Variants in ATP8B2 observed in about 807,000 individuals in gnomAD.
ATP8B2 encodes ATPase phospholipid transporting 8B2.
A neutral mutation model predicts 133.4 loss-of-function variants in ATP8B2; 70 were observed. The ratio of observed to expected loss-of-function variants is 0.52; its 90% CI spans 0.43 to 0.64. The LOEUF (loss-of-function observed/expected upper bound fraction) is 0.64, where lower values mean the gene tolerates loss of function less well. ATP8B2 is among the 30% of genes least tolerant of loss of function. ATP8B2 has a pLI of 0.00. For synonymous variants in ATP8B2, 517 were observed against 589.5 expected (o/e 0.88, Z 1.78); for missense variants, 1,101 against 1,535.7 (o/e 0.72, Z 4.73).
At position 154,343,068 on chromosome 1, in the gene ATP8B2, T is replaced by C. The variant is rs1441238803; in HGVS notation, c.1454-45T>C. The C allele has an allele frequency of 6.3e-7, 1 of 1,598,172 alleles. No homozygotes were observed. On this transcript the variant is annotated intron_variant, in intron 15 of 27. Transcript: ENST00000368489. This position sits in a 1 kb window ranked among gnomAD's most constrained non-coding sequence, Gnocchi z 5.8. ...GGGCTTCCTGGGCGGGGCACGTGGC[T>C]GAGGGAAGCCACTTATATCACGTGT...
chr1:154,328,970 C>G lies in ATP8B2; in HGVS notation c.31+798C>G. 1 of 1,304,088 alleles carries G rather than the reference C, an allele frequency of 7.7e-7. No individual in the cohort carries two copies. The highest frequency in any genetic ancestry group is 1.0e-6 in the Non-Finnish European group (1 of 988,890). The allele number at this position is 1,304,088 out of a possible 1,614,324, so 80.8% of individuals were successfully genotyped here. A position where few individuals can be genotyped will look rare whatever the true frequency, so the allele number is the denominator to read the frequency against. ...AGGACATATAGACGGTCTGCCCTCCCCCACTCAAACCGGGATCATGACGGT... is the reference window on the plus strand; with the variant it reads ...AGGACATATAGACGGTCTGCCCTCCGCCACTCAAACCGGGATCATGACGGT... On this transcript the variant is annotated intron_variant, in intron 2 of 27. Coordinates refer to ENST00000368489, the MANE Select transcript of ATP8B2 (RefSeq NM_001370597.1). The surrounding 1 kb of genome is among the most constrained non-coding windows in gnomAD (Gnocchi z 4.6).
At chr1:154,347,586 T>C (rs1686626832) in intron 26 of ATP8B2, among the ~76,000 whole-genome samples, 1 of 152,064 alleles carries the variant, frequency 6.6e-6, no homozygotes. Flanking sequence ...AGTCACCAGG[T>C]GAGCCTAATG....
chr1:154,344,858 T>G lies in ATP8B2; in HGVS notation c.2286+73T>G. On this transcript the variant is annotated intron_variant, in intron 21 of 27. Transcript: ENST00000368489. The surrounding 1 kb of genome is among the most constrained non-coding windows in gnomAD (Gnocchi z 4.1). Reference sequence around the variant, plus strand: ...TTCTGTCCAGGGCTTTTATATCTTGTTCTAATTTCCCCTGATTTCAGAGAA... The same window carrying G: ...TTCTGTCCAGGGCTTTTATATCTTGGTCTAATTTCCCCTGATTTCAGAGAA... The G allele has an allele frequency of 6.5e-7, 1 of 1,546,958 alleles. No individual in the cohort carries two copies. The highest frequency in any genetic ancestry group is 8.7e-7 in the Non-Finnish European group (1 of 1,145,564).
At position 154,334,144 on chromosome 1, in the gene ATP8B2, C is replaced by T. The variant is rs183136294; in HGVS notation, c.627C>T (p.Asp209=). The change falls in exon 10 of 28, where the codon GAC becomes GAT. Residue 209 remains aspartate, a synonymous_variant. Transcript: ENST00000368489. This position sits in a 1 kb window ranked among gnomAD's most constrained non-coding sequence, Gnocchi z 4.6. ...VICEPPNNKL[D]KFSGTLYWKE... is the part of the protein sequence containing the mutation. ...GTGAACCTCCCAACAACAAACTGGA[C>T]AAATTCAGCGGAACCCTCTACTGGA... 3.1e-6 allele frequency: 5 copies of T among 1,614,054 alleles called. No individual in the cohort carries two copies. Among genetic ancestry groups the T allele is most frequent in the Non-Finnish European group, 4.2e-6 (5 of 1,180,042 alleles).
intron 12 of ATP8B2, among the ~76,000 whole-genome samples, chr1:154,339,843 T>C (rs1394597876): frequency 6.6e-6 from 1 of 152,082 alleles, no homozygotes; most frequent in Non-Finnish European, 1.5e-5. Flanking sequence ...TAACAGTGCA[T>C]ATGATTAGCA....
chr1:154,349,397 A>G lies in ATP8B2; in HGVS notation c.*279A>G, dbSNP rs1686711751. ...GGGGACCAGAAGTGGAACCAAAAACAAGAAAAAACTGTGAGAGATTGTGTC... is the reference window on the plus strand; with the variant it reads ...GGGGACCAGAAGTGGAACCAAAAACGAGAAAAAACTGTGAGAGATTGTGTC... On this transcript the variant is annotated 3_prime_UTR_variant, in exon 28 of 28. Transcript: ENST00000368489. 1 of 474,848 alleles carries G rather than the reference A, an allele frequency of 2.1e-6. No individual in the cohort carries two copies. The highest frequency in any genetic ancestry group is 1.9e-5 in the African/African-American group (1 of 52,034). The allele number at this position is 474,848 out of a possible 1,614,324, so 29.4% of individuals were successfully genotyped here.
rs1686595903 is a variant in ATP8B2 at position 154,346,688 on chromosome 1, C to T, written c.3093C>T (p.Tyr1031=). Residue 1031 remains tyrosine, a synonymous_variant, in exon 26 of 28, where the codon TAC becomes TAT. Coordinates refer to ENST00000368489, the MANE Select transcript of ATP8B2 (RefSeq NM_001370597.1). This position sits in a 1 kb window ranked among gnomAD's most constrained non-coding sequence, Gnocchi z 4.5. ...TCATCTGGGGAAGCCTTGCTGTTTA[C>T]TTTGCCATCCTCTTTGCCATGCACA... The part of the protein sequence containing the change: ...HFFIWGSLAV[Y]FAILFAMHSN... 6.2e-7 allele frequency: 1 copy of T among 1,614,202 alleles called. No homozygotes were observed. Among genetic ancestry groups the T allele is most frequent in the Non-Finnish European group, 8.5e-7 (1 of 1,180,036 alleles).
At chr1:154,348,325 T>A in intron 26 of ATP8B2, 83 bp from the exon 27 acceptor site, 1 of 1,455,066 alleles carries the variant, frequency 6.9e-7, no homozygotes, top group East Asian at 2.4e-5. Flanking sequence ...GCTTTGAGAG[T>A]AGGGAAGTGG....
intron 13 of ATP8B2, 48 bp downstream of exon 13, chr1:154,341,110 G>A: frequency 6.2e-7 from 1 of 1,601,698 alleles, no homozygotes; most frequent in Non-Finnish European, 8.5e-7. Context: ...CGCCTGGAAG[G>A]ACAGTGGAAC....
In ATP8B2 at chr1:154,340,506, G is replaced by A. The variant is rs1192033415; in HGVS notation, c.1035-348G>A. The A allele has an allele frequency of 4.1e-6, 1 of 245,982 alleles. No individual in the cohort carries two copies. The highest frequency in any genetic ancestry group is 8.5e-6 in the Non-Finnish European group (1 of 117,012). The allele number at this position is 245,982 out of a possible 1,614,324, so 15.2% of individuals were successfully genotyped here. A position where few individuals can be genotyped will look rare whatever the true frequency, so the allele number is the denominator to read the frequency against. On this transcript the variant is annotated intron_variant, in intron 12 of 27. Coordinates refer to ENST00000368489, the MANE Select transcript of ATP8B2 (RefSeq NM_001370597.1). The surrounding 1 kb of genome is among the most constrained non-coding windows in gnomAD (Gnocchi z 4.0). ...TCCCCTCCCTCTGGCACTTTCTCTT[G>A]TTTTTCTCTGCATGGTTTCTGTATT...
In ATP8B2 at chr1:154,345,665, A is replaced by G; in HGVS notation, c.2694+120A>G. The stretch of plus-strand genomic sequence containing the variant: ...ATTTTCTGGTACATACTCTTAAAAA[A>G]TGCTTATTAAAGGAGGAGAGAAGGA... On this transcript the variant is annotated intron_variant, in intron 23 of 27. Coordinates refer to ENST00000368489, the MANE Select transcript of ATP8B2 (RefSeq NM_001370597.1). This position sits in a 1 kb window ranked among gnomAD's most constrained non-coding sequence, Gnocchi z 5.6. 5 of 1,312,504 alleles carry G rather than the reference A, an allele frequency of 3.8e-6. No homozygotes were observed. The highest frequency in any genetic ancestry group is 5.4e-6 in the Non-Finnish European group (5 of 929,866). 81.3% of individuals were successfully genotyped at this position (1,312,504 alleles called of 1,614,324 possible).
Position 154,334,327 on chromosome 1 carries a change from A to T in ATP8B2, c.748+62A>T. 2.5e-6 allele frequency: 4 copies of T among 1,596,532 alleles called. No individual in the cohort carries two copies. The highest frequency in any genetic ancestry group is 3.4e-5 in the Admixed American group (2 of 59,090). On this transcript the variant is annotated intron_variant, in intron 10 of 27. Transcript: ENST00000368489. The surrounding 1 kb of genome is among the most constrained non-coding windows in gnomAD (Gnocchi z 4.6). ...GTGACTCAGCCAGCCCTCACTCAGGAGTATGGGATGAGGTGGGAGAATACC... is the reference window on the plus strand; with the variant it reads ...GTGACTCAGCCAGCCCTCACTCAGGTGTATGGGATGAGGTGGGAGAATACC...
At chr1:154,325,781 G>C (rs1350479880) in intron 1 of ATP8B2, 79 bp downstream of exon 1, 1 of 152,708 alleles carries the variant, frequency 6.5e-6, no homozygotes, top group East Asian at 1.9e-4. Context: ...CCGCAGCCGC[G>C]GGGCTGGAGG....
intron 11 of ATP8B2, among the ~76,000 whole-genome samples, chr1:154,336,057 A>AAAAG (rs776062674): frequency 6.7e-6 from 1 of 149,682 alleles, no homozygotes; most frequent in Non-Finnish European, 1.5e-5. Context: ...AAAAAAAAAA[A>AAAAG]GGCCATCTAT....
At chr1:154,329,147 TC>T in intron 2 of ATP8B2, 1 of 1,182,806 alleles carries the variant, frequency 8.5e-7, no homozygotes, top group Non-Finnish European at 1.1e-6. Context: ...CATTCACTTG[TC>T]CCCAGCCTCC....
rs575045157 is a variant in ATP8B2 at position 154,331,595 on chromosome 1, C to T, written c.366-11C>T. On this transcript the variant is annotated splice_polypyrimidine_tract_variant and intron_variant, in intron 6 of 27. Coordinates refer to ENST00000368489, the MANE Select transcript of ATP8B2 (RefSeq NM_001370597.1). The surrounding 1 kb of genome is among the most constrained non-coding windows in gnomAD (Gnocchi z 4.8). ...CCTGACAGCCTCTTCACTGTCTTCT[C>T]GTTGCCTCAGCCTCCAGCAGGAGCA... 3.6e-5 allele frequency: 58 copies of T among 1,614,124 alleles called. No individual in the cohort carries two copies. In the South Asian group the frequency reaches 3.7e-4, roughly 10 times the overall value.
At chr1:154,327,626 A>T (rs1011540631) in intron 1 of ATP8B2, among the ~76,000 whole-genome samples, 2 of 152,008 alleles carry the variant, frequency 1.3e-5, no homozygotes, top group Non-Finnish European at 2.9e-5. Flanking sequence ...GATGGCAGGG[A>T]ACTTATAAGC....
rs1686494548 is a variant in ATP8B2 at position 154,344,040 on chromosome 1, G to C, written c.1906G>C (p.Val636Leu). ...EDRLASIYEE[V>L]ENNMMLLGAT... The stretch of plus-strand genomic sequence containing the variant: ...CAGGCTGGCTAGCATCTATGAGGAG[G>C]TTGAGAACAACATGATGGTACGGGC... Residue 636 changes from valine (V) to leucine (L), a missense_variant, in exon 18 of 28, where the codon GTT becomes CTT. Coordinates refer to ENST00000368489, the MANE Select transcript of ATP8B2 (RefSeq NM_001370597.1). The surrounding 1 kb of genome is among the most constrained non-coding windows in gnomAD (Gnocchi z 4.1). The C allele has an allele frequency of 6.2e-7, 1 of 1,614,104 alleles. No homozygotes were observed. The highest frequency in any genetic ancestry group is 8.5e-7 in the Non-Finnish European group (1 of 1,179,942).
intron 12 of ATP8B2, among the ~76,000 whole-genome samples, chr1:154,339,326 A>T (rs1217235466): frequency 6.6e-6 from 1 of 152,174 alleles, no homozygotes; most frequent in African/African-American, 2.4e-5. Context: ...TCAGGGCCTC[A>T]CTTGATCTTA....
Sources: allele counts gnomAD v4.1 joint callset (sites outside exome capture counted in the v4.1 genomes callset), GRCh38; gene constraint gnomAD v4.1.1; non-coding constraint Gnocchi (gnomAD v3.1); transcripts MANE v1.5; gene names NCBI Gene and HGNC (gene_info 2026-07-23, HGNC 2026-07-21).